CSMD1: variants seen among roughly 807,000 people sequenced by gnomAD.
CSMD1 encodes CUB and Sushi multiple domains 1, also known as CUB and sushi domain-containing protein 1.
A neutral mutation model predicts 417.5 loss-of-function variants in CSMD1; 213 were observed. The ratio of observed to expected loss-of-function variants is 0.51; its 90% CI spans 0.46 to 0.57. The LOEUF is 0.57. CSMD1 is among the 20% of genes least tolerant of loss of function. CSMD1 has a pLI of 0.00. For synonymous variants in CSMD1, 2,862 were observed against 1,736.8 expected, an observed-to-expected ratio of 1.65 and a Z score of -16.11; for missense variants, 6,923 against 4,529.7, an observed-to-expected ratio of 1.53 and a Z score of -15.17.
chr8:4,458,054 C>A (rs1446319843), intron 2 of CSMD1, among the ~76,000 whole-genome samples: 1 of 152,142 alleles, frequency 6.6e-6, no homozygotes, highest in African/African-American at 2.4e-5. Flanking sequence ...CCTTTTACCC[C>A]TGAGGTACAC....
chr8:4,957,619 C>T (rs1218728344), intron 1 of CSMD1, among the ~76,000 whole-genome samples: 2 of 152,098 alleles, frequency 1.3e-5, no homozygotes, highest in Non-Finnish European at 2.9e-5. Context: ...GAAAAAAATG[C>T]ACTGAAGAAA....
chr8:4,434,023 T>C (rs961333617), intron 2 of CSMD1, among the ~76,000 whole-genome samples: 2 of 152,114 alleles, frequency 1.3e-5, no homozygotes, highest in African/African-American at 2.4e-5. Context: ...TTTTCAAAGA[T>C]ATGACAAGGA....
chr8:3,843,103 C>A (rs1803240868), intron 5 of CSMD1, among the ~76,000 whole-genome samples: 1 of 151,982 alleles, frequency 6.6e-6, no homozygotes, highest in Non-Finnish European at 1.5e-5. Flanking sequence ...TTTATTTATT[C>A]TTTAGAGAGT....
chr8:4,246,181 C>T (rs970458245), intron 3 of CSMD1, among the ~76,000 whole-genome samples: 1 of 152,078 alleles, frequency 6.6e-6, no homozygotes, highest in Non-Finnish European at 1.5e-5. Flanking sequence ...TCCAATATTC[C>T]ATCCTCCAAA....
intron 49 of CSMD1, among the ~76,000 whole-genome samples, chr8:3,053,549 G>A (rs1185762500): frequency 1.3e-5 from 2 of 152,114 alleles, no homozygotes; most frequent in African/African-American, 4.8e-5. Flanking sequence ...GATTCCCAGG[G>A]CAGAAGGCAG....
At chr8:3,047,773 T>C (rs1811556867) in intron 50 of CSMD1, among the ~76,000 whole-genome samples, 1 of 152,250 alleles carries the variant, frequency 6.6e-6, no homozygotes, top group African/African-American at 2.4e-5. Flanking sequence ...TATAAACTAC[T>C]TGCATGGACA....
chr8:3,902,266 T>C (rs1807805002), intron 5 of CSMD1, among the ~76,000 whole-genome samples: 2 of 152,164 alleles, frequency 1.3e-5, no homozygotes, highest in South Asian at 2.1e-4. Flanking sequence ...GGTCCATTGA[T>C]TAAGTCATGC....
chr8:4,122,736 C>G (rs1426334424), intron 3 of CSMD1, among the ~76,000 whole-genome samples: 2 of 152,100 alleles, frequency 1.3e-5, no homozygotes, highest in Non-Finnish European at 2.9e-5. Context: ...AGAAGTAACA[C>G]TTTCTGTGAA....
chr8:3,255,175 C>T (rs1359788482), intron 26 of CSMD1, among the ~76,000 whole-genome samples: 2 of 152,182 alleles, frequency 1.3e-5, no homozygotes, highest in Non-Finnish European at 2.9e-5. Flanking sequence ...GCAGAGGCTG[C>T]AGAGCAGTGG....
intron 12 of CSMD1, among the ~76,000 whole-genome samples, chr8:3,443,712 G>C (rs777524223): frequency 2.0e-5 from 3 of 152,180 alleles, no homozygotes; most frequent in Non-Finnish European, 2.9e-5. Flanking sequence ...AATGTTTAAA[G>C]AAGTAAATCT....
chr8:4,257,467 T>A (rs1349313978), intron 3 of CSMD1, among the ~76,000 whole-genome samples: 1 of 152,230 alleles, frequency 6.6e-6, no homozygotes, highest in Non-Finnish European at 1.5e-5. Context: ...CTTAATAGTT[T>A]TAAGAATGCA....
intron 47 of CSMD1, among the ~76,000 whole-genome samples, chr8:3,092,858 T>A (rs567040097): frequency 1.3e-3 from 193 of 152,306 alleles, no homozygotes; most frequent in Non-Finnish European, 2.4e-3. Context: ...CATTTCACAG[T>A]TCACTCCTAG....
At chr8:3,496,879 T>C (rs548132258) in intron 10 of CSMD1, among the ~76,000 whole-genome samples, 2 of 152,336 alleles carry the variant, frequency 1.3e-5, no homozygotes, top group South Asian at 4.1e-4. Context: ...TATAGACCCA[T>C]TGGCCTATTT....
intron 5 of CSMD1, among the ~76,000 whole-genome samples, chr8:3,781,373 T>G (rs1163304934): frequency 2.0e-5 from 3 of 152,130 alleles, no homozygotes; most frequent in Non-Finnish European, 2.9e-5. Context: ...TCAAGCGCAT[T>G]CTATAGAGTT....
chr8:4,843,995 G>T (rs1409313635), intron 1 of CSMD1, among the ~76,000 whole-genome samples: 1 of 152,160 alleles, frequency 6.6e-6, no homozygotes, highest in African/African-American at 2.4e-5. Context: ...AAATGAGATT[G>T]TGAGACATTT....
At chr8:3,847,302 G>A (rs543886752) in intron 5 of CSMD1, among the ~76,000 whole-genome samples, 5 of 152,184 alleles carry the variant, frequency 3.3e-5, no homozygotes, top group African/African-American at 1.2e-4. Flanking sequence ...AGTTGATTTG[G>A]GAGAACCTGA....
chr8:4,556,601 T>C (rs532412354), intron 2 of CSMD1, among the ~76,000 whole-genome samples: 2 of 152,304 alleles, frequency 1.3e-5, no homozygotes, highest in African/African-American at 4.8e-5. Flanking sequence ...GAATAGTATA[T>C]GGTAAAATAA....
intron 1 of CSMD1, among the ~76,000 whole-genome samples, chr8:4,905,623 T>A (rs576236054): frequency 1.3e-5 from 2 of 151,602 alleles, no homozygotes; most frequent in South Asian, 2.1e-4. Flanking sequence ...ATCGAGGCCA[T>A]CCTGGCTAAC....
intron 3 of CSMD1, among the ~76,000 whole-genome samples, chr8:4,067,912 A>C (rs753264008): frequency 1.6e-4 from 24 of 152,112 alleles, no homozygotes; most frequent in Non-Finnish European, 1.2e-4. Context: ...CCCCAACTCT[A>C]CTAAAAATGC....
Sources: allele counts gnomAD v4.1 joint callset (sites outside exome capture counted in the v4.1 genomes callset), GRCh38; gene constraint gnomAD v4.1.1; transcripts MANE v1.5; gene names NCBI Gene and HGNC (gene_info 2026-07-23, HGNC 2026-07-21).